Variants in TAF4B observed in about 807,000 individuals in gnomAD.
TAF4B encodes the protein transcription initiation factor TFIID subunit 4B.
In TAF4B, 38 loss-of-function variants were observed where a neutral mutation model predicts 86.4. The observed-to-expected ratio is 0.44, with a 90% CI of 0.34 to 0.58. The LOEUF (loss-of-function observed/expected upper bound fraction) is 0.58, where lower values mean the gene tolerates loss of function less well. TAF4B is among the 20% of genes least tolerant of loss of function. The pLI is 0.02. For missense variants in TAF4B, 988 were observed against 1,027.6 expected (o/e 0.96, Z 0.53); for synonymous variants, 388 against 391.2 (o/e 0.99, Z 0.10).
chr18:26,273,712 C>T (rs1448348898), intron 3 of TAF4B, among the ~76,000 whole-genome samples: 3 of 152,096 alleles, frequency 2.0e-5, no homozygotes, highest in Non-Finnish European at 4.4e-5. Flanking sequence ...CATTTTTTAC[C>T]CTCAGAACAT....
At chr18:26,262,404 A>G (rs2056182403) in intron 1 of TAF4B, among the ~76,000 whole-genome samples, 1 of 152,034 alleles carries the variant, frequency 6.6e-6, no homozygotes, top group African/African-American at 2.4e-5. Context: ...TATTCTTGCT[A>G]TTCTTACTGA....
intron 14 of TAF4B, among the ~76,000 whole-genome samples, chr18:26,376,706 G>A (rs1394403317): frequency 6.6e-6 from 1 of 152,018 alleles, no homozygotes; most frequent in Admixed American, 6.6e-5. Context: ...AGAACCTCCA[G>A]TACTAGTTGA....
At chr18:26,344,532 A>G (rs2057161198) in intron 13 of TAF4B, among the ~76,000 whole-genome samples, 1 of 152,242 alleles carries the variant, frequency 6.6e-6, no homozygotes, top group Non-Finnish European at 1.5e-5. Context: ...TTCATTGCCA[A>G]CAGAGTTGCT....
chr18:26,384,593 G>GA (rs1978313716), intron 14 of TAF4B, among the ~76,000 whole-genome samples: 1 of 152,174 alleles, frequency 6.6e-6, no homozygotes. Flanking sequence ...CAGTGATTTA[G>GA]TGAAGACTTG....
At chr18:26,333,580 G>A (rs2057068392) in intron 12 of TAF4B, among the ~76,000 whole-genome samples, 1 of 151,996 alleles carries the variant, frequency 6.6e-6, no homozygotes, top group Admixed American at 6.6e-5. Flanking sequence ...TAGTAGAAAT[G>A]GGGTCTTGCT....
intron 14 of TAF4B, among the ~76,000 whole-genome samples, chr18:26,359,418 A>T (rs1567921221): frequency 6.6e-6 from 1 of 152,210 alleles, no homozygotes; most frequent in Non-Finnish European, 1.5e-5. Context: ...GGAAAACTCT[A>T]TGGGAAAAAA....
chr18:26,388,067 C>G (rs1250550899), intron 14 of TAF4B, among the ~76,000 whole-genome samples: 3 of 152,150 alleles, frequency 2.0e-5, no homozygotes, highest in Non-Finnish European at 4.4e-5. Context: ...AGATTTTCTT[C>G]CTATGTTATC....
At chr18:26,299,120 C>T (rs2056700090) in intron 9 of TAF4B, among the ~76,000 whole-genome samples, 1 of 151,990 alleles carries the variant, frequency 6.6e-6, no homozygotes, top group African/African-American at 2.4e-5. Flanking sequence ...CTCGGCCTCC[C>T]AAAGTGCTGG....
intron 14 of TAF4B, among the ~76,000 whole-genome samples, chr18:26,358,608 G>T (rs1322614484): frequency 6.6e-6 from 1 of 152,192 alleles, no homozygotes; most frequent in Non-Finnish European, 1.5e-5. Context: ...TACTCGGGAG[G>T]CTGAGGCAGG....
intron 6 of TAF4B, among the ~76,000 whole-genome samples, chr18:26,285,206 T>C (rs2056495997): frequency 8.2e-6 from 1 of 122,438 alleles, no homozygotes; most frequent in Non-Finnish European, 1.6e-5. Context: ...TATTTCTTCC[T>C]TTCCTTTTTT....
At chr18:26,294,883 T>A (rs1437733339) in intron 9 of TAF4B, among the ~76,000 whole-genome samples, 1 of 150,176 alleles carries the variant, frequency 6.7e-6, no homozygotes, top group Non-Finnish European at 1.5e-5. Flanking sequence ...TTTGTAACCT[T>A]GGGTTACACA....
intron 14 of TAF4B, 149 bp downstream of exon 14, chr18:26,357,943 A>C (rs1441919768): frequency 3.9e-6 from 2 of 515,380 alleles, no homozygotes; most frequent in East Asian, 6.7e-5. Flanking sequence ...ATAAAATCTT[A>C]ATTTTTGCCA....
chr18:26,259,853 T>C (rs1230222897), intron 1 of TAF4B, among the ~76,000 whole-genome samples: 3 of 143,392 alleles, frequency 2.1e-5, no homozygotes, highest in East Asian at 1.9e-4. Context: ...CTTGAGGAAT[T>C]GCCACACTGT....
Position 26,274,695 on chromosome 18 carries a change from T to C in TAF4B, c.630T>C (p.Val210=), listed in dbSNP as rs747042517. 2.5e-6 allele frequency: 4 copies of C among 1,614,196 alleles called. No homozygotes were observed. In the Admixed American group the frequency reaches 5.0e-5, roughly 20 times the overall value. ...CTGTGCCAACCAGTGTCGTCACAGTTACTCCTGGAAAGCCATTGAATACTG... is the reference window on the plus strand; with the variant it reads ...CTGTGCCAACCAGTGTCGTCACAGTCACTCCTGGAAAGCCATTGAATACTG... ...SVAVPTSVVT[V]TPGKPLNTVT... is the part of the protein sequence containing the mutation. Residue 210 remains valine, a synonymous_variant, in exon 4 of 15, where the codon GTT becomes GTC. Coordinates refer to ENST00000269142, the MANE Select transcript of TAF4B (RefSeq NM_005640.3).
intron 1 of TAF4B, among the ~76,000 whole-genome samples, chr18:26,257,842 C>CGTGCGT (rs1555673524): frequency 3.5e-5 from 5 of 141,530 alleles, no homozygotes; most frequent in Non-Finnish European, 6.1e-5. Context: ...CCTCTGCGTG[C>CGTGCGT]GTGTGTGTGT....
chr18:26,288,521 G>C (rs891608992), intron 7 of TAF4B, among the ~76,000 whole-genome samples: 6 of 152,124 alleles, frequency 3.9e-5, no homozygotes, highest in Non-Finnish European at 7.4e-5. Context: ...TGTAATCCCA[G>C]CTACTTGGGA....
intron 1 of TAF4B, among the ~76,000 whole-genome samples, chr18:26,244,465 ACTGT>A (rs1428720826): frequency 1.3e-5 from 2 of 152,158 alleles, no homozygotes; most frequent in Non-Finnish European, 2.9e-5. Context: ...TTTTCCAGGT[ACTGT>A]CTGTCACGGC....
At chr18:26,232,294 G>GCT (rs1298410337) in intron 1 of TAF4B, among the ~76,000 whole-genome samples, 1 of 152,096 alleles carries the variant, frequency 6.6e-6, no homozygotes, top group African/African-American at 2.4e-5. Context: ...GTTACTTCTT[G>GCT]CTGGATAGGG....
intron 10 of TAF4B, among the ~76,000 whole-genome samples, chr18:26,319,850 A>C (rs2056947051): frequency 1.3e-5 from 2 of 152,152 alleles, no homozygotes; most frequent in African/African-American, 4.8e-5. Context: ...TTGGCCTCCC[A>C]AAGTGCTGGA....
Sources: gnomAD v4.1 joint callset for allele counts (sites outside exome capture counted in the v4.1 genomes callset) on GRCh38, gnomAD v4.1.1 for gene constraint, MANE v1.5 for transcripts, NCBI Gene and HGNC (gene_info 2026-07-23, HGNC 2026-07-21) for gene names.